FAIM2: variants seen among roughly 807,000 people sequenced by gnomAD.
FAIM2 encodes the protein Fas apoptotic inhibitory molecule 2, also known as protein lifeguard 2.
FAIM2 carries 27 observed loss-of-function variants against 47.4 expected under a neutral mutation model. The ratio of observed to expected loss-of-function variants is 0.57; its 90% CI spans 0.42 to 0.78. FAIM2 has a LOEUF of 0.78. FAIM2 is among the 30% of genes least tolerant of loss of function. The probability of loss-of-function intolerance (pLI) is 0.00; values close to 1 mark genes in which losing one functional copy is unlikely to be tolerated. For synonymous variants in FAIM2, 156 were observed against 159.3 expected (o/e 0.98, Z 0.16); for missense variants, 311 against 389.4 (o/e 0.80, Z 1.69).
At chr12:49,897,902 T>C in intron 3 of FAIM2, 85 bp downstream of exon 3, 2 of 1,037,324 alleles carry the variant, frequency 1.9e-6, no homozygotes, top group South Asian at 1.3e-5. Context: ...GGATGGCTTC[T>C]GCAGGCAGAG....
chr12:49,898,095 G>A lies in FAIM2; in HGVS notation c.212-5C>T. On this transcript the variant is annotated splice_polypyrimidine_tract_variant and splice_region_variant and intron_variant, in intron 2 of 11. Coordinates refer to ENST00000320634, the MANE Select transcript of FAIM2 (RefSeq NM_012306.4). Reference sequence around the variant, plus strand: ...TGTCATAGCTGGAGCTGCTGCCTGTGTGGCACGTGGAGGAGGAGGACATGA... The same window carrying A: ...TGTCATAGCTGGAGCTGCTGCCTGTATGGCACGTGGAGGAGGAGGACATGA... 1 of 1,610,554 alleles carries A rather than the reference G, an allele frequency of 6.2e-7. No homozygotes were observed. The highest frequency in any genetic ancestry group is 8.5e-7 in the Non-Finnish European group (1 of 1,176,788).
chr12:49,880,150 ATGTG>A (rs1382820153), intron 11 of FAIM2, among the ~76,000 whole-genome samples: 3 of 87,900 alleles, frequency 3.4e-5, no homozygotes, highest in African/African-American at 8.9e-5. Flanking sequence ...ATGTGAGTGT[ATGTG>A]TGTGCATGTG....
intron 5 of FAIM2, among the ~76,000 whole-genome samples, chr12:49,895,729 A>C (rs1946931774): frequency 6.6e-6 from 1 of 151,816 alleles, no homozygotes; most frequent in Non-Finnish European, 1.5e-5. Flanking sequence ...GCCTCTGTGA[A>C]CTCTAGGCCC....
intron 11 of FAIM2, among the ~76,000 whole-genome samples, chr12:49,880,840 G>T (rs561887862): frequency 7.5e-4 from 114 of 151,480 alleles, no homozygotes; most frequent in African/African-American, 2.7e-3. Flanking sequence ...TTATGTGAGT[G>T]TATGTATATG....
In FAIM2 at chr12:49,903,730, C is replaced by T. The variant is rs1341331327; in HGVS notation, c.15+48G>A. Reference sequence around the variant, plus strand: ...GGGCTTGCTGAGGATGACAGGGAGCCGGGAGCCGGAGGATGGAGGATGGTG... The same window carrying T: ...GGGCTTGCTGAGGATGACAGGGAGCTGGGAGCCGGAGGATGGAGGATGGTG... On this transcript the variant is annotated intron_variant, in intron 1 of 11. Coordinates refer to ENST00000320634, the MANE Select transcript of FAIM2 (RefSeq NM_012306.4). 6.5e-6 allele frequency: 10 copies of T among 1,550,080 alleles called. No homozygotes were observed. In the South Asian group the frequency reaches 8.3e-5, roughly 13 times the overall value.
chr12:49,891,135 G>T, intron 5 of FAIM2, 21 bp from the exon 6 acceptor site: 1 of 1,613,156 alleles, frequency 6.2e-7, no homozygotes, highest in Non-Finnish European at 8.5e-7. Context: ...CAGATGGATA[G>T]GTGAGTCAGC....
intron 11 of FAIM2, among the ~76,000 whole-genome samples, chr12:49,875,496 A>G (rs1274706614): frequency 2.0e-5 from 3 of 152,140 alleles, no homozygotes; most frequent in South Asian, 4.1e-4. Flanking sequence ...CCTGATACCA[A>G]TAGAAGATAC....
rs1231722033 is a variant in FAIM2, at chr12:49,891,065, T to C, written c.484A>G (p.Arg162Gly). 13 of 1,613,948 alleles carry C rather than the reference T, an allele frequency of 8.1e-6. No homozygotes were observed. The highest frequency in any genetic ancestry group is 1.1e-5 in the Non-Finnish European group (13 of 1,179,932). The change falls in exon 6 of 12, where the codon AGG becomes GGG. Residue 162 changes from arginine (R) to glycine (G), a missense_variant and splice_region_variant. Arg to Gly is a moderately radical substitution (Grantham distance 125, BLOSUM62 -2). Transcript: ENST00000320634. ...TTCCTCCTCAAGCCATTAGCATACC[T>C]GGGTCCAGAACAGCAAGCCAGGGTC... The part of the protein sequence containing the change: ...YLTLACCSGP[R>G]RHFPWNLILL...
chr12:49,898,229 CAAA>C, intron 2 of FAIM2, 139 bp from the exon 3 acceptor site: 1 of 322,016 alleles, frequency 3.1e-6, no homozygotes, highest in East Asian at 4.6e-5. Context: ...GCCCCATTAT[CAAA>C]CACCCAGCCC....
At chr12:49,879,512 ATGTG>A (rs61721377) in intron 11 of FAIM2, among the ~76,000 whole-genome samples, 448 of 146,820 alleles carry the variant, frequency 3.1e-3, no homozygotes, top group South Asian at 0.017. Flanking sequence ...ATGTATGTGC[ATGTG>A]TGTGTGTCCA....
chr12:49,877,091 C>T (rs1946741852), intron 11 of FAIM2, among the ~76,000 whole-genome samples: 1 of 152,218 alleles, frequency 6.6e-6, no homozygotes, highest in African/African-American at 2.4e-5. Flanking sequence ...TCTGAAGAAC[C>T]AGGTCCTGGA....
intron 11 of FAIM2, among the ~76,000 whole-genome samples, chr12:49,882,469 T>C (rs77497531): frequency 0.014 from 2,074 of 152,196 alleles, 57 homozygotes; most frequent in African/African-American, 0.047. Context: ...CTCATCAACA[T>C]TCCCCTGCCC....
chr12:49,885,301 G>A (rs781236794), intron 11 of FAIM2, among the ~76,000 whole-genome samples: 2 of 152,106 alleles, frequency 1.3e-5, no homozygotes, highest in East Asian at 3.9e-4. Flanking sequence ...CTCCCCGGCC[G>A]GCCCCCCATG....
At chr12:49,870,725 G>A in intron 11 of FAIM2, 72 bp from the exon 12 acceptor site, 1 of 1,512,112 alleles carries the variant, frequency 6.6e-7, no homozygotes, top group South Asian at 1.2e-5. Context: ...GGCAGCCCAG[G>A]TGTCCCCCTC....
chr12:49,879,700 ATGTGTG>A (rs543494704), intron 11 of FAIM2, among the ~76,000 whole-genome samples: 1 of 59,226 alleles, frequency 1.7e-5, no homozygotes, highest in African/African-American at 7.8e-5. Flanking sequence ...GTCTGTGTGC[ATGTGTG>A]TGTGTGTGTA....
intron 11 of FAIM2, among the ~76,000 whole-genome samples, chr12:49,878,758 A>ATATG (rs147213740): frequency 2.1e-4 from 23 of 109,782 alleles, no homozygotes; most frequent in African/African-American, 8.8e-4. Flanking sequence ...ATATGTGTAT[A>ATATG]TATTTATTTG....
In FAIM2 at chr12:49,903,836, G is replaced by C. The variant is rs1281726663; in HGVS notation, c.-44C>G. On this transcript the variant is annotated 5_prime_UTR_variant, in exon 1 of 12. Transcript: ENST00000320634. ...AGGGGTCCCTGAGGCCCGGGTGGCC[G>C]CTTGGGTAACCGCAGCCTGCCTGCG... is the stretch of plus-strand genomic sequence containing the variant. The C allele has an allele frequency of 2.0e-6, 3 of 1,517,606 alleles. No individual in the cohort carries two copies. Among genetic ancestry groups the C allele is most frequent in the African/African-American group, 1.4e-5 (1 of 71,746 alleles). The allele number at this position is 1,517,606 out of a possible 1,614,324, so 94.0% of individuals were successfully genotyped here.
chr12:49,870,462 A>C lies in FAIM2; in HGVS notation c.*42T>G, dbSNP rs1280982469. 2 of 1,586,288 alleles carry C rather than the reference A, an allele frequency of 1.3e-6. No homozygotes were observed. Among genetic ancestry groups the C allele is most frequent in the East Asian group, 2.2e-5 (1 of 44,682 alleles). On this transcript the variant is annotated 3_prime_UTR_variant, in exon 12 of 12. Coordinates refer to ENST00000320634, the MANE Select transcript of FAIM2 (RefSeq NM_012306.4). ...CGCAGGGGAGGGACAGGGAACCAGG[A>C]GGGGCGCATTCTCTGGAGGACGGTG...
intron 11 of FAIM2, among the ~76,000 whole-genome samples, chr12:49,879,386 G>A (rs945902727): frequency 6.6e-6 from 1 of 151,748 alleles, no homozygotes; most frequent in Admixed American, 6.6e-5. Flanking sequence ...ATATGTGTAT[G>A]TGGGTATGTG....
Sources: allele counts gnomAD v4.1 joint callset (sites outside exome capture counted in the v4.1 genomes callset), GRCh38; gene constraint gnomAD v4.1.1; transcripts MANE v1.5; gene names NCBI Gene and HGNC (gene_info 2026-07-23, HGNC 2026-07-21).